Variants in SGMS1 observed in about 807,000 individuals in gnomAD.
The protein encoded by SGMS1 is sphingomyelin synthase 1, also known as phosphatidylcholine:ceramide cholinephosphotransferase 1.
A neutral mutation model predicts 46.2 loss-of-function variants in SGMS1; 13 were observed. The ratio of observed to expected loss-of-function variants is 0.28; its 90% CI spans 0.18 to 0.45. The LOEUF (loss-of-function observed/expected upper bound fraction) is 0.45. Among genes scored for constraint, SGMS1 ranks in the 20% least tolerant of loss-of-function variants. The pLI, the probability that SGMS1 is intolerant of heterozygous loss-of-function variation, is 1.00. For synonymous variants in SGMS1, 203 were observed against 187.8 expected (o/e 1.08, Z -0.66); for missense variants, 324 against 519.9 (o/e 0.62, Z 3.66).
intron 1 of SGMS1, among the ~76,000 whole-genome samples, chr10:50,605,546 G>A (rs1838687093): frequency 6.6e-6 from 1 of 152,170 alleles, no homozygotes; most frequent in Non-Finnish European, 1.5e-5. Flanking sequence ...CTTGCTCAAG[G>A]TTGCTGCCAA....
At chr10:50,421,232 C>T (rs1849250769) in intron 6 of SGMS1, among the ~76,000 whole-genome samples, 1 of 152,196 alleles carries the variant, frequency 6.6e-6, no homozygotes, top group African/African-American at 2.4e-5. Flanking sequence ...CTCTGCAACC[C>T]CGATCTTAAA....
At chr10:50,456,595 T>C (rs1177629473) in intron 5 of SGMS1, among the ~76,000 whole-genome samples, 1 of 152,158 alleles carries the variant, frequency 6.6e-6, no homozygotes, top group African/African-American at 2.4e-5. Context: ...CTCTTTGGTT[T>C]CAGGAAAAGT....
intron 8 of SGMS1, among the ~76,000 whole-genome samples, chr10:50,319,495 T>C (rs1357031819): frequency 6.6e-6 from 1 of 152,254 alleles, no homozygotes; most frequent in Non-Finnish European, 1.5e-5. Context: ...TTAGAGCTTC[T>C]TTCCCCAGTC....
chr10:50,513,883 C>T (rs1484366471), intron 3 of SGMS1, among the ~76,000 whole-genome samples: 4 of 152,116 alleles, frequency 2.6e-5, no homozygotes, highest in Non-Finnish European at 5.9e-5. Flanking sequence ...AGAGACTGTT[C>T]ACAAAATGAC....
chr10:50,328,834 G>A (rs79216883), intron 7 of SGMS1, among the ~76,000 whole-genome samples: 1,784 of 152,234 alleles, frequency 0.012, 45 homozygotes, highest in African/African-American at 0.041. Context: ...TATAAAGAGG[G>A]ACGATACTAG....
Position 50,308,036 on chromosome 10 carries a change from T to C in SGMS1, c.1008A>G (p.Ala336=), listed in dbSNP as rs868288357. ...HDHYTVDVVV[A]YYITTRLFWW... The stretch of plus-strand genomic sequence containing the variant: ...AGAAGAGTCTCGTGGTGATGTAATA[T>C]GCCACCACCACGTCCACAGTGTAGT... The change falls in exon 10 of 11, where the codon GCA becomes GCG. Residue 336 remains alanine, a synonymous_variant. Transcript: ENST00000361781. 20 of 1,614,060 alleles carry C rather than the reference T, an allele frequency of 1.2e-5. No homozygotes were observed. In the Middle Eastern group the frequency reaches 9.9e-4, roughly 80 times the overall value.
chr10:50,353,575 G>C (rs561487639), intron 6 of SGMS1, among the ~76,000 whole-genome samples: 1,878 of 152,024 alleles, frequency 0.012, no homozygotes, highest in Non-Finnish European at 0.02. Context: ...CATAGTGTTG[G>C]AAGTTCTGGC....
At chr10:50,460,944 A>G (rs1296557481) in intron 4 of SGMS1, 130 bp from the exon 5 acceptor site, 1 of 152,162 alleles carries the variant, frequency 6.6e-6, no homozygotes, top group African/African-American at 2.4e-5. Flanking sequence ...ATAAACTTGG[A>G]AACAAAGAAT....
chr10:50,544,960 A>G (rs576663708), intron 2 of SGMS1, among the ~76,000 whole-genome samples: 31 of 152,356 alleles, frequency 2.0e-4, no homozygotes, highest in African/African-American at 7.2e-4. Flanking sequence ...TAAATTATTC[A>G]TAGCTTCTTT....
chr10:50,442,047 T>A (rs1222378944), intron 5 of SGMS1, among the ~76,000 whole-genome samples: 4 of 152,068 alleles, frequency 2.6e-5, no homozygotes, highest in Non-Finnish European at 5.9e-5. Flanking sequence ...AACTTGCTTT[T>A]ATTTTTTTAT....
intron 5 of SGMS1, among the ~76,000 whole-genome samples, chr10:50,456,237 T>A (rs577481423): frequency 2.8e-4 from 42 of 152,090 alleles, no homozygotes; most frequent in African/African-American, 9.2e-4. Flanking sequence ...ACATAAAACA[T>A]ATAAAGGCAG....
At chr10:50,519,072 CT>C (rs1837834597) in intron 3 of SGMS1, among the ~76,000 whole-genome samples, 1 of 152,120 alleles carries the variant, frequency 6.6e-6, no homozygotes, top group Non-Finnish European at 1.5e-5. Flanking sequence ...ACAAGTAAAT[CT>C]TACAACATAA....
chr10:50,506,358 A>C (rs1006763567), intron 3 of SGMS1, among the ~76,000 whole-genome samples: 6 of 152,330 alleles, frequency 3.9e-5, no homozygotes, highest in African/African-American at 1.4e-4. Context: ...TTCAATAAAT[A>C]TTGGAGAAGG....
chr10:50,565,197 G>A (rs1838277200), intron 2 of SGMS1, among the ~76,000 whole-genome samples: 1 of 151,968 alleles, frequency 6.6e-6, no homozygotes, highest in African/African-American at 2.4e-5. Context: ...CACACAAATT[G>A]TCTTACTTAA....
At chr10:50,350,137 G>A (rs149351997) in intron 6 of SGMS1, among the ~76,000 whole-genome samples, 1,817 of 152,306 alleles carry the variant, frequency 0.012, 33 homozygotes, top group African/African-American at 0.041. Flanking sequence ...GAACTTGTTG[G>A]GAACTGGAGC....
intron 2 of SGMS1, among the ~76,000 whole-genome samples, chr10:50,546,579 G>A (rs957083142): frequency 1.3e-5 from 2 of 152,110 alleles, no homozygotes; most frequent in African/African-American, 4.8e-5. Flanking sequence ...GTAGGGACAT[G>A]GATGAAGCTG....
intron 2 of SGMS1, among the ~76,000 whole-genome samples, chr10:50,543,507 T>C (rs1838074178): frequency 6.6e-6 from 1 of 152,224 alleles, no homozygotes; most frequent in East Asian, 1.9e-4. Flanking sequence ...ATACTGATTG[T>C]CAGGAAAAGA....
intron 1 of SGMS1, among the ~76,000 whole-genome samples, chr10:50,608,096 AACTTGT>A (rs1838714323): frequency 6.6e-6 from 1 of 152,216 alleles, no homozygotes; most frequent in African/African-American, 2.4e-5. Flanking sequence ...TAAAATGTCA[AACTTGT>A]ACTTGTATCC....
At chr10:50,597,838 C>T (rs930265041) in intron 1 of SGMS1, among the ~76,000 whole-genome samples, 2 of 151,932 alleles carry the variant, frequency 1.3e-5, no homozygotes, top group Non-Finnish European at 2.9e-5. Context: ...CCTGGAGAAA[C>T]CCTGTGTCTA....
Sources: gnomAD v4.1 joint callset for allele counts (sites outside exome capture counted in the v4.1 genomes callset) on GRCh38, gnomAD v4.1.1 for gene constraint, MANE v1.5 for transcripts, NCBI Gene and HGNC (gene_info 2026-07-23, HGNC 2026-07-21) for gene names.